CSMD1: variants seen among roughly 807,000 people sequenced by gnomAD.
CSMD1 encodes the protein CUB and Sushi multiple domains 1.
A neutral mutation model predicts 417.5 loss-of-function variants in CSMD1; 213 were observed. That is an observed-to-expected ratio of 0.51 (90% confidence interval 0.46 to 0.57). The LOEUF (loss-of-function observed/expected upper bound fraction) is 0.57, where lower values mean the gene tolerates loss of function less well. CSMD1 is among the 20% of genes least tolerant of loss of function. The pLI, the probability that CSMD1 is intolerant of heterozygous loss-of-function variation, is 0.00. For synonymous variants in CSMD1, 2,862 were observed against 1,736.8 expected (o/e 1.65, Z -16.11); for missense variants, 6,923 against 4,529.7 (o/e 1.53, Z -15.17).
At position 4,110,399 on chromosome 8, in the gene CSMD1, G is replaced by C. The variant is rs149918069; in HGVS notation, c.416-78300C>G. On this transcript the variant is annotated intron_variant, in intron 3 of 69. Coordinates refer to ENST00000635120, the MANE Select transcript of CSMD1 (RefSeq NM_033225.6). ...AGGGAAAAGTCAGCCAGCAGAAAGA[G>C]TCAAAAATATAGTACTCTGGAAATC... is the stretch of plus-strand genomic sequence containing the variant. Among the ~76,000 whole-genome samples the C allele has an allele frequency of 5.0e-3, 756 of 152,192 alleles. 6 individuals carry two copies. The highest frequency in any genetic ancestry group is 0.017 in the African/African-American group (723 of 41,564).
chr8:3,014,479 T>C (rs1023171106), intron 52 of CSMD1, among the ~76,000 whole-genome samples: 2 of 152,176 alleles, frequency 1.3e-5, no homozygotes, highest in Admixed American at 6.5e-5. Flanking sequence ...CTTTCCATAA[T>C]ATCTCACCAA....
intron 42 of CSMD1, among the ~76,000 whole-genome samples, chr8:3,115,309 C>T (rs1277255475): frequency 6.8e-6 from 1 of 147,096 alleles, no homozygotes; most frequent in Admixed American, 7.1e-5. Context: ...TCAAGTGATT[C>T]TCCTGCCTCA....
intron 3 of CSMD1, among the ~76,000 whole-genome samples, chr8:4,097,755 C>G (rs1239004666): frequency 2.0e-5 from 3 of 152,182 alleles, no homozygotes; most frequent in Non-Finnish European, 4.4e-5. Flanking sequence ...GTGTAGTTGT[C>G]AAATTCTGGG....
At chr8:3,576,338 C>A (rs1800150565) in intron 9 of CSMD1, among the ~76,000 whole-genome samples, 1 of 148,038 alleles carries the variant, frequency 6.8e-6, no homozygotes, top group African/African-American at 2.5e-5. Flanking sequence ...CTTCTTTAAT[C>A]TGTAATCTAC....
At chr8:4,389,189 T>C (rs1052312371) in intron 3 of CSMD1, among the ~76,000 whole-genome samples, 1 of 152,236 alleles carries the variant, frequency 6.6e-6, no homozygotes, top group African/African-American at 2.4e-5. Flanking sequence ...ACTGGCCTGT[T>C]ACTTTTTCTG....
At chr8:4,833,411 C>G (rs1030669780) in intron 1 of CSMD1, among the ~76,000 whole-genome samples, 4 of 152,172 alleles carry the variant, frequency 2.6e-5, no homozygotes, top group African/African-American at 9.7e-5. Flanking sequence ...ATGAGAACAG[C>G]AAGAGGAAAA....
intron 5 of CSMD1, among the ~76,000 whole-genome samples, chr8:3,919,563 C>A (rs1329469742): frequency 6.6e-6 from 1 of 152,020 alleles, no homozygotes; most frequent in Non-Finnish European, 1.5e-5. Flanking sequence ...GATATCAGGA[C>A]ATGTGATGCC....
chr8:3,534,299 A>ATT (rs1798100937), intron 10 of CSMD1, among the ~76,000 whole-genome samples: 1 of 152,056 alleles, frequency 6.6e-6, no homozygotes, highest in African/African-American at 2.4e-5. Flanking sequence ...AATTTCCTTC[A>ATT]TCTTTACCTT....
chr8:3,012,062 C>A (rs1267584034), intron 52 of CSMD1, among the ~76,000 whole-genome samples: 1 of 152,176 alleles, frequency 6.6e-6, no homozygotes, highest in East Asian at 1.9e-4. Context: ...TGGCAATTTA[C>A]AGAACTCTGA....
intron 1 of CSMD1, among the ~76,000 whole-genome samples, chr8:4,786,307 C>T (rs1797398379): frequency 6.6e-6 from 1 of 152,080 alleles, no homozygotes; most frequent in South Asian, 2.1e-4. Context: ...ACTCCTACAA[C>T]CAGGTTTATT....
At chr8:4,387,063 A>G (rs1330945022) in intron 3 of CSMD1, among the ~76,000 whole-genome samples, 2 of 152,158 alleles carry the variant, frequency 1.3e-5, no homozygotes, top group African/African-American at 4.8e-5. Flanking sequence ...AAAACATAAA[A>G]CGGATGCACA....
intron 46 of CSMD1, among the ~76,000 whole-genome samples, chr8:3,097,551 C>T (rs1324606570): frequency 6.6e-6 from 1 of 152,188 alleles, no homozygotes; most frequent in Non-Finnish European, 1.5e-5. Flanking sequence ...GGTGCAATCA[C>T]ATCATACAGG....
chr8:4,973,329 A>G (rs950191400), intron 1 of CSMD1, among the ~76,000 whole-genome samples: 15 of 152,206 alleles, frequency 9.9e-5, no homozygotes, highest in Non-Finnish European at 2.2e-4. Flanking sequence ...GGCGAAGTCA[A>G]TAGAGTTCAT....
At chr8:3,052,794 T>TCCAGAGACAGAGTTTTG in intron 49 of CSMD1, 147 bp from the exon 50 acceptor site, 1 of 575,572 alleles carries the variant, frequency 1.7e-6, no homozygotes, top group Non-Finnish European at 2.6e-6. Context: ...TCTTTTTTTT[T>TCCAGAGACAGAGTTTTG]TCTGGAGACA....
At chr8:4,724,873 T>C (rs573402822) in intron 1 of CSMD1, among the ~76,000 whole-genome samples, 1 of 152,234 alleles carries the variant, frequency 6.6e-6, no homozygotes, top group South Asian at 2.1e-4. Context: ...TACTTCACTA[T>C]TAAAACCTCA....
intron 6 of CSMD1, among the ~76,000 whole-genome samples, chr8:3,737,602 G>C (rs944236448): frequency 1.3e-5 from 2 of 152,128 alleles, no homozygotes; most frequent in Admixed American, 6.5e-5. Context: ...TGTCAAGAGA[G>C]ATCACCCTCT....
chr8:3,822,749 G>A (rs1215823306), intron 5 of CSMD1, among the ~76,000 whole-genome samples: 1 of 152,148 alleles, frequency 6.6e-6, no homozygotes, highest in African/African-American at 2.4e-5. Context: ...CACCAAAGTG[G>A]AAATACAGGT....
rs1056325487 is a variant in CSMD1, at chr8:3,668,362, G to C, written c.1009+40052C>G. Among the ~76,000 whole-genome samples, 19 of 152,130 alleles carry C rather than the reference G, an allele frequency of 1.2e-4. 1 individual carries two copies. Among genetic ancestry groups the C allele is most frequent in the Admixed American group, 9.2e-4 (14 of 15,278 alleles). ...GGCCCTGGGCTGTGCATGACGGATG[G>C]AGTCCCCAGACCCAAATTCTGTTTT... On this transcript the variant is annotated intron_variant, in intron 7 of 69. Coordinates refer to ENST00000635120, the MANE Select transcript of CSMD1 (RefSeq NM_033225.6).
chr8:4,557,247 A>G (rs1433846648), intron 2 of CSMD1, among the ~76,000 whole-genome samples: 1 of 152,134 alleles, frequency 6.6e-6, no homozygotes, highest in African/African-American at 2.4e-5. Context: ...TATTCCTAGA[A>G]TTTCTTAGCT....
Sources: gnomAD v4.1 joint callset for allele counts (sites outside exome capture counted in the v4.1 genomes callset) on GRCh38, gnomAD v4.1.1 for gene constraint, MANE v1.5 for transcripts, NCBI Gene and HGNC (gene_info 2026-07-23, HGNC 2026-07-21) for gene names.